RGS6: variants seen among roughly 807,000 people sequenced by gnomAD.
RGS6 encodes the protein regulator of G protein signaling 6, also known as regulator of G-protein signaling 6.
In RGS6, 30 loss-of-function variants were observed where a neutral mutation model predicts 78.5. That is an observed-to-expected ratio of 0.38 (90% CI 0.29 to 0.52). The LOEUF (loss-of-function observed/expected upper bound fraction) is 0.52. RGS6 is among the 20% of genes least tolerant of loss of function. The pLI is 0.85. For missense variants in RGS6, 495 were observed against 609.7 expected (o/e 0.81, Z 1.98); for synonymous variants, 206 against 206.0 (o/e 1.00, Z 0.00).
intron 17 of RGS6, among the ~76,000 whole-genome samples, chr14:72,543,609 G>C (rs1275069892): frequency 6.6e-6 from 1 of 152,180 alleles, no homozygotes; most frequent in East Asian, 1.9e-4. Context: ...AGGGAGAGGA[G>C]GTGCCTTCTC....
chr14:72,198,356 TA>T (rs1252831531), intron 2 of RGS6, among the ~76,000 whole-genome samples: 2 of 152,166 alleles, frequency 1.3e-5, no homozygotes, highest in Admixed American at 6.5e-5. Flanking sequence ...TGTCTAAAAA[TA>T]AAAAATTAAC....
At chr14:72,514,997 A>G (rs1247662118) in intron 14 of RGS6, among the ~76,000 whole-genome samples, 1 of 152,136 alleles carries the variant, frequency 6.6e-6, no homozygotes, top group Non-Finnish European at 1.5e-5. Flanking sequence ...AACACTAACC[A>G]AAGCCTGTTC....
chr14:72,629,412 T>C, the RGS6 span, among the ~76,000 whole-genome samples: 3 of 152,254 alleles, frequency 2.0e-5, no homozygotes, highest in Non-Finnish European at 2.9e-5. Context: ...TACTGTGGAA[T>C]GTGGTGGAAA....
intron 6 of RGS6, 60 bp downstream of exon 6, chr14:72,459,743 G>A (rs551541186): frequency 7.4e-5 from 115 of 1,543,908 alleles, no homozygotes; most frequent in Non-Finnish European, 9.9e-5. Flanking sequence ...TTCTGGGGGT[G>A]CAGAAGACAA....
At chr14:72,246,867 C>G (rs958033433) in intron 2 of RGS6, among the ~76,000 whole-genome samples, 5 of 151,320 alleles carry the variant, frequency 3.3e-5, no homozygotes, top group African/African-American at 1.2e-4. Flanking sequence ...GATCATGCCA[C>G]TGCACTCCAG....
intron 1 of RGS6, among the ~76,000 whole-genome samples, chr14:71,943,272 T>C (rs1033244747): frequency 1.3e-5 from 2 of 152,128 alleles, no homozygotes; most frequent in Admixed American, 6.5e-5. Flanking sequence ...TGTGAAAGAA[T>C]AATTTAAAAA....
intron 1 of RGS6, 73 bp from the exon 2 acceptor site, chr14:71,964,699 A>T: frequency 9.8e-7 from 1 of 1,024,098 alleles, no homozygotes; most frequent in South Asian, 1.8e-5. Context: ...AAAGTTACTT[A>T]ATTCTTTGCA....
At chr14:72,487,710 C>T (rs2153391170) in intron 12 of RGS6, among the ~76,000 whole-genome samples, 1 of 152,290 alleles carries the variant, frequency 6.6e-6, no homozygotes, top group East Asian at 1.9e-4. Context: ...CCTAGAGCCT[C>T]CAGAAGGAAC....
chr14:72,381,211 T>C (rs1015572515), intron 3 of RGS6, among the ~76,000 whole-genome samples: 2 of 152,018 alleles, frequency 1.3e-5, no homozygotes, highest in Non-Finnish European at 2.9e-5. Flanking sequence ...AAATTACAGA[T>C]AGAAGTAAGT....
At chr14:72,122,645 A>G (rs191643947) in intron 2 of RGS6, among the ~76,000 whole-genome samples, 1 of 152,136 alleles carries the variant, frequency 6.6e-6, no homozygotes, top group Non-Finnish European at 1.5e-5. Flanking sequence ...ATTCTTAAAT[A>G]AGAGCAGGGA....
chr14:72,390,090 C>CTTTTT (rs767640465), intron 3 of RGS6, among the ~76,000 whole-genome samples: 1 of 117,390 alleles, frequency 8.5e-6, no homozygotes, highest in African/African-American at 3.3e-5. Context: ...AGCTATAGTT[C>CTTTTT]TTTTTTTTTT....
At position 72,562,440 on chromosome 14, in the gene RGS6, C is replaced by T. The variant is rs2097688465; in HGVS notation, c.1446C>T (p.Arg482=). Residue 482 remains arginine (R), a synonymous_variant, in exon 18 of 18, where the codon CGC becomes CGT. Transcript: ENST00000553525. ...AGGGAAAGTCGCTGGCGGGCAAGCG[C>T]CTCACGGGCCTGATGCAGTCCTCCT... ...RSVGKSLAGK[R]LTGLMQSS 6.2e-7 allele frequency: 1 copy of T among 1,612,932 alleles called. No individual in the cohort carries two copies. The highest frequency in any genetic ancestry group is 1.3e-5 in the African/African-American group (1 of 75,070).
chr14:72,530,344 C>T (rs1006558932), intron 15 of RGS6, among the ~76,000 whole-genome samples: 1 of 152,186 alleles, frequency 6.6e-6, no homozygotes, highest in African/African-American at 2.4e-5. Flanking sequence ...CACAAGGAGA[C>T]AGTGTGTCAT....
At position 72,471,958 on chromosome 14, in the gene RGS6, C is replaced by G. The variant is rs114655630; in HGVS notation, c.537-914C>G. Among the ~76,000 whole-genome samples the G allele has an allele frequency of 2.7e-3, 412 of 152,218 alleles. 2 individuals carry two copies. Among genetic ancestry groups the G allele is most frequent in the African/African-American group, 9.6e-3 (397 of 41,530 alleles). On this transcript the variant is annotated intron_variant, in intron 8 of 17. Transcript: ENST00000553525. The stretch of plus-strand genomic sequence containing the variant: ...TACTTCATAAATACATGGTATTTCT[C>G]GATTAACTTTTTTGATTAACTCTGT...
At chr14:72,509,853 A>G (rs2096857322) in intron 13 of RGS6, among the ~76,000 whole-genome samples, 1 of 152,152 alleles carries the variant, frequency 6.6e-6, no homozygotes. Flanking sequence ...TTGAGTCCAT[A>G]ATTGATAGGA....
chr14:72,515,124 A>G (rs2096924625), intron 14 of RGS6, among the ~76,000 whole-genome samples: 1 of 152,214 alleles, frequency 6.6e-6, no homozygotes, highest in South Asian at 2.1e-4. Context: ...AAGGCAGGTC[A>G]ACTCCAAGGC....
intron 17 of RGS6, among the ~76,000 whole-genome samples, chr14:72,548,894 C>T (rs948006083): frequency 7.9e-5 from 12 of 152,326 alleles, no homozygotes; most frequent in African/African-American, 2.4e-4. Context: ...CAAAGGGCAA[C>T]GAGCTCCATG....
intron 3 of RGS6, among the ~76,000 whole-genome samples, chr14:72,401,176 G>A (rs1197832737): frequency 6.6e-6 from 1 of 151,946 alleles, no homozygotes; most frequent in Non-Finnish European, 1.5e-5. Flanking sequence ...ATACTTTTAT[G>A]AGCACAAATC....
chr14:72,189,504 G>A (rs1000448468), intron 2 of RGS6, among the ~76,000 whole-genome samples: 5 of 152,152 alleles, frequency 3.3e-5, no homozygotes, highest in Admixed American at 1.3e-4. Flanking sequence ...ATTCAGGCAC[G>A]AAGTTTAGGG....
Sources: allele counts gnomAD v4.1 joint callset (sites outside exome capture counted in the v4.1 genomes callset), GRCh38; gene constraint gnomAD v4.1.1; transcripts MANE v1.5; gene names NCBI Gene and HGNC (gene_info 2026-07-23, HGNC 2026-07-21).